Variants in MTHFD2L observed in about 807,000 individuals in gnomAD.
MTHFD2L encodes the protein bifunctional methylenetetrahydrofolate dehydrogenase/cyclohydrolase 2, mitochondrial.
MTHFD2L carries 29 observed loss-of-function variants against 34.9 expected under a neutral mutation model. The ratio of observed to expected loss-of-function variants is 0.83; its 90% CI spans 0.62 to 1.13. The LOEUF is 1.13. MTHFD2L is among the 50% of genes most tolerant of loss of function. MTHFD2L has a pLI of 0.00. For synonymous variants in MTHFD2L, 167 were observed against 155.7 expected (o/e 1.07, Z -0.54); for missense variants, 481 against 446.5 (o/e 1.08, Z -0.70).
In MTHFD2L at chr4:74,209,529, C is replaced by T. The variant is rs535999916; in HGVS notation, c.712+8159C>T. Among the ~76,000 whole-genome samples the T allele has an allele frequency of 2.6e-5, 4 of 152,250 alleles. No homozygotes were observed. In the South Asian group the frequency reaches 8.3e-4, roughly 32 times the overall value. On this transcript the variant is annotated intron_variant, in intron 5 of 7. Coordinates refer to ENST00000325278, the MANE Select transcript of MTHFD2L (RefSeq NM_001144978.3). ...TCCCTGCAAAGAGCATGAACTCATTCTTTTTTATGGGGGCATAGTATTCCA... is the reference window on the plus strand; with the variant it reads ...TCCCTGCAAAGAGCATGAACTCATTTTTTTTTATGGGGGCATAGTATTCCA...
At chr4:74,132,755 T>A (rs1488663208) in intron 1 of MTHFD2L, among the ~76,000 whole-genome samples, 1 of 152,032 alleles carries the variant, frequency 6.6e-6, no homozygotes, top group Non-Finnish European at 1.5e-5. Flanking sequence ...AAAAAAATGC[T>A]CTACACTTTA....
chr4:74,135,313 T>C (rs1278142345), intron 1 of MTHFD2L, among the ~76,000 whole-genome samples: 2 of 151,878 alleles, frequency 1.3e-5, no homozygotes, highest in Non-Finnish European at 2.9e-5. Flanking sequence ...GGAACAAAAA[T>C]GGACACATGA....
At chr4:74,289,413 C>CAGTA (rs1285184207) in intron 7 of MTHFD2L, among the ~76,000 whole-genome samples, 1 of 152,050 alleles carries the variant, frequency 6.6e-6, no homozygotes, top group East Asian at 1.9e-4. Flanking sequence ...GTAACTGAAA[C>CAGTA]AGTAAGTAAG....
At chr4:74,202,095 A>C (rs921438521) in intron 5 of MTHFD2L, among the ~76,000 whole-genome samples, 3 of 152,256 alleles carry the variant, frequency 2.0e-5, no homozygotes, top group Non-Finnish European at 4.4e-5. Flanking sequence ...GGCCGCTTAC[A>C]GACTCCACGC....
chr4:74,180,741 G>A, intron 3 of MTHFD2L: 1 of 449,814 alleles, frequency 2.2e-6, no homozygotes, highest in Non-Finnish European at 4.5e-6. Flanking sequence ...GAGTACACAG[G>A]CTTGCTCTTT....
At chr4:74,187,898 A>C (rs1317840757) in intron 3 of MTHFD2L, among the ~76,000 whole-genome samples, 3 of 152,080 alleles carry the variant, frequency 2.0e-5, no homozygotes, top group African/African-American at 7.2e-5. Flanking sequence ...TGTCCATACA[A>C]GTATTTGTAT....
chr4:74,127,189 G>A (rs1280237820), intron 1 of MTHFD2L, among the ~76,000 whole-genome samples: 2 of 152,124 alleles, frequency 1.3e-5, no homozygotes, highest in Non-Finnish European at 2.9e-5. Flanking sequence ...ATAGCAGTGT[G>A]AGACTGAATT....
chr4:74,119,562 T>A (rs1015413804), upstream of MTHFD2L, among the ~76,000 whole-genome samples: 2 of 152,046 alleles, frequency 1.3e-5, no homozygotes, highest in Admixed American at 1.3e-4. Context: ...GGCGGGCGGA[T>A]CACGAGGTCA....
At chr4:74,195,593 G>T (rs956940724) in intron 3 of MTHFD2L, 1 of 152,116 alleles carries the variant, frequency 6.6e-6, no homozygotes, top group African/African-American at 2.4e-5. Flanking sequence ...CAGAAGGATG[G>T]GTTTCCCATT....
intron 3 of MTHFD2L, among the ~76,000 whole-genome samples, chr4:74,197,904 T>A (rs1308546460): frequency 2.6e-5 from 4 of 152,164 alleles, no homozygotes; most frequent in African/African-American, 9.6e-5. Flanking sequence ...TATGTTAGAT[T>A]TAATACACTG....
chr4:74,167,720 T>TG, intron 1 of MTHFD2L, among the ~76,000 whole-genome samples: 1 of 152,264 alleles, frequency 6.6e-6, no homozygotes, highest in African/African-American at 2.4e-5. Context: ...GGAGAGAACA[T>TG]GGTGCAGTTC....
intron 6 of MTHFD2L, among the ~76,000 whole-genome samples, chr4:74,248,064 C>T (rs1200967151): frequency 6.6e-6 from 1 of 151,876 alleles, no homozygotes; most frequent in Admixed American, 6.6e-5. Flanking sequence ...GGTACCAGTT[C>T]CTCCTTGTAC....
At chr4:74,167,777 A>G (rs573765996) in intron 1 of MTHFD2L, among the ~76,000 whole-genome samples, 2 of 152,372 alleles carry the variant, frequency 1.3e-5, no homozygotes, top group South Asian at 4.1e-4. Flanking sequence ...CACTAAGCAC[A>G]GTGTTCTTTA....
At chr4:74,135,845 G>T (rs1049027987) in intron 1 of MTHFD2L, among the ~76,000 whole-genome samples, 1 of 151,994 alleles carries the variant, frequency 6.6e-6, no homozygotes, top group Non-Finnish European at 1.5e-5. Flanking sequence ...TGTTATACAC[G>T]ACATTAACAG....
chr4:74,281,078 A>T (rs533149270), intron 6 of MTHFD2L, among the ~76,000 whole-genome samples: 66 of 148,942 alleles, frequency 4.4e-4, no homozygotes, highest in African/African-American at 1.6e-3. Context: ...ACTCCACCAC[A>T]CCTCAGCAGG....
intron 6 of MTHFD2L, among the ~76,000 whole-genome samples, chr4:74,258,647 T>G (rs954550398): frequency 2.6e-5 from 4 of 152,264 alleles, no homozygotes; most frequent in South Asian, 2.1e-4. Context: ...TGACTGTATA[T>G]ACACACACAT....
intron 6 of MTHFD2L, among the ~76,000 whole-genome samples, chr4:74,257,740 A>G (rs932996491): frequency 6.6e-6 from 1 of 152,196 alleles, no homozygotes; most frequent in African/African-American, 2.4e-5. Context: ...GTAAAAATAG[A>G]CAAATGGGAT....
At chr4:74,175,129 C>G (rs1728775827) in intron 2 of MTHFD2L, 152 bp from the exon 3 acceptor site, 1 of 819,132 alleles carries the variant, frequency 1.2e-6, no homozygotes, top group Non-Finnish European at 1.9e-6. Flanking sequence ...CAAGAGGAAA[C>G]ACCTGTACTA....
chr4:74,248,999 G>T (rs1263879667), intron 6 of MTHFD2L, among the ~76,000 whole-genome samples: 1 of 152,146 alleles, frequency 6.6e-6, no homozygotes, highest in Non-Finnish European at 1.5e-5. Flanking sequence ...TATTAGGTCT[G>T]CTTGGTGCAG....
Sources: gnomAD v4.1 joint callset for allele counts (sites outside exome capture counted in the v4.1 genomes callset) on GRCh38, gnomAD v4.1.1 for gene constraint, MANE v1.5 for transcripts, NCBI Gene and HGNC (gene_info 2026-07-23, HGNC 2026-07-21) for gene names.